CSNK2A1: variants seen among roughly 807,000 people sequenced by gnomAD.
CSNK2A1 encodes casein kinase II subunit alpha.
CSNK2A1 carries 10 observed loss-of-function variants against 62.9 expected under a neutral mutation model. The observed-to-expected ratio is 0.16, with a 90% confidence interval of 0.10 to 0.27. The LOEUF (loss-of-function observed/expected upper bound fraction) is 0.27, where lower values mean the gene tolerates loss of function less well. CSNK2A1 is among the 10% of genes least tolerant of loss of function. The probability of loss-of-function intolerance (pLI) is 1.00; values close to 1 mark genes in which losing one functional copy is unlikely to be tolerated. For missense variants in CSNK2A1, 160 were observed against 492.0 expected, an observed-to-expected ratio of 0.33 and a Z score of 6.38; for synonymous variants, 124 against 167.8, an observed-to-expected ratio of 0.74 and a Z score of 2.02.
chr20:529,781 C>G (rs2019172965), intron 1 of CSNK2A1, among the ~76,000 whole-genome samples: 2 of 152,128 alleles, frequency 1.3e-5, no homozygotes, highest in South Asian at 4.1e-4. Flanking sequence ...GTGATAAATG[C>G]TTAGTTAAAA....
Position 540,176 on chromosome 20 carries a change from A to G in CSNK2A1, c.-227+3496T>C, listed in dbSNP as rs1451154547. 3.9e-5 allele frequency among the ~76,000 whole-genome samples: 6 copies of G among 152,350 alleles called. No homozygotes were observed. In the East Asian group the frequency reaches 1.2e-3, roughly 29 times the overall value. On this transcript the variant is annotated intron_variant, in intron 1 of 13. Coordinates refer to ENST00000217244, the MANE Select transcript of CSNK2A1 (RefSeq NM_177559.3). The stretch of plus-strand genomic sequence containing the variant: ...ATCAGTAGAATTTGGGGGGTCCAAC[A>G]GCCCTATTACTTTCTGTCTCTTTCA...
chr20:485,093 A>AT (rs2018052296), intron 13 of CSNK2A1, among the ~76,000 whole-genome samples: 1 of 37,800 alleles, frequency 2.6e-5, no homozygotes, highest in African/African-American at 8.9e-5. Context: ...AAAAAAAAAA[A>AT]AAAAAAAAAA....
At chr20:485,101 A>ATATACATATAT (rs2018057838) in intron 13 of CSNK2A1, among the ~76,000 whole-genome samples, 2 of 31,864 alleles carry the variant, frequency 6.3e-5, no homozygotes, top group African/African-American at 2.1e-4. Context: ...AAAAAAAAAA[A>ATATACATATAT]AAAAAAAAAT....
chr20:524,626 AGGCT>A (rs2019032949), intron 2 of CSNK2A1, among the ~76,000 whole-genome samples: 1 of 90,474 alleles, frequency 1.1e-5, no homozygotes, highest in Non-Finnish European at 2.1e-5. Context: ...GCTACTCAGG[AGGCT>A]GAGGCTGGAG....
rs1265145393 is a variant in CSNK2A1, at chr20:486,306, T to C, written c.1060+70A>G. 3.2e-6 allele frequency: 5 copies of C among 1,575,964 alleles called. No homozygotes were observed. In the East Asian group the frequency reaches 6.8e-5, roughly 21 times the overall value. ...CGGAGAAGAGAAGGTATACAAGAAA[T>C]CAGACCACAAAGCTAAGAACAGTAA... On this transcript the variant is annotated intron_variant, in intron 13 of 13. Transcript: ENST00000217244.
intron 2 of CSNK2A1, among the ~76,000 whole-genome samples, chr20:522,282 T>C (rs1274389234): frequency 2.0e-5 from 3 of 152,180 alleles, no homozygotes; most frequent in South Asian, 4.1e-4. Flanking sequence ...AAGGGAGAAA[T>C]AGCAACTCTA....
chr20:540,817 T>G (rs1436426618), intron 1 of CSNK2A1: 1 of 152,228 alleles, frequency 6.6e-6, no homozygotes, highest in Non-Finnish European at 1.5e-5. Context: ...AACACAAATT[T>G]GTTATCTCAC....
rs1223546793 is a variant in CSNK2A1 at position 490,446 on chromosome 20, T to C, written c.622-565A>G. Among the ~76,000 whole-genome samples, 4 of 145,672 alleles carry C rather than the reference T, an allele frequency of 2.7e-5. No individual in the cohort carries two copies. In the East Asian group the frequency reaches 8.2e-4, roughly 30 times the overall value. Reference sequence around the variant, plus strand: ...TTTTTTTTGAGACAGAGTCTTGCTCTGTCGCCCAGGCTGCAGGGGTGTGAT... The same window carrying C: ...TTTTTTTTGAGACAGAGTCTTGCTCCGTCGCCCAGGCTGCAGGGGTGTGAT... On this transcript the variant is annotated intron_variant, in intron 9 of 13. Transcript: ENST00000217244.
chr20:499,590 G>T lies in CSNK2A1; in HGVS notation c.315+243C>A. ...GCATCGGACCTGAGTTTGCAAAATG[G>T]ATTAACACATTTCAGTTTCCAGTGC... On this transcript the variant is annotated intron_variant, in intron 5 of 13. Transcript: ENST00000217244. The surrounding 1 kb of genome is among the most constrained non-coding windows in gnomAD (Gnocchi z 4.2). 1.8e-6 allele frequency: 1 copy of T among 564,472 alleles called. No individual in the cohort carries two copies. The highest frequency in any genetic ancestry group is 3.1e-6 in the Non-Finnish European group (1 of 323,300). The allele number at this position is 564,472 out of a possible 1,614,324, so 35.0% of individuals were successfully genotyped here. A position where few individuals can be genotyped will look rare whatever the true frequency, so the allele number is the denominator to read the frequency against.
chr20:525,161 G>C (rs1457354329), intron 2 of CSNK2A1, among the ~76,000 whole-genome samples: 2 of 152,108 alleles, frequency 1.3e-5, no homozygotes, highest in Non-Finnish European at 2.9e-5. Context: ...TAGAGAGTTT[G>C]TTCATAAAAA....
At chr20:505,295 T>A in intron 3 of CSNK2A1, 66 bp from the exon 4 acceptor site, 1 of 1,150,442 alleles carries the variant, frequency 8.7e-7, no homozygotes. Flanking sequence ...ATTACAGGAA[T>A]CTATTACCAG....
intron 2 of CSNK2A1, among the ~76,000 whole-genome samples, chr20:522,828 C>T (rs1019751873): frequency 6.6e-6 from 1 of 152,126 alleles, no homozygotes; most frequent in Non-Finnish European, 1.5e-5. Flanking sequence ...GCCCCAGCCT[C>T]CTAAGTAGCT....
intron 2 of CSNK2A1, among the ~76,000 whole-genome samples, chr20:519,123 AGGGG>A (rs1420665878): frequency 6.6e-6 from 1 of 151,802 alleles, no homozygotes; most frequent in East Asian, 1.9e-4. Context: ...TTTAGTAGTG[AGGGG>A]GTTTTGCCAT....
At chr20:496,143 C>A in intron 7 of CSNK2A1, 1 of 227,940 alleles carries the variant, frequency 4.4e-6, no homozygotes, top group Non-Finnish European at 8.8e-6. Context: ...GAAAACAGAT[C>A]TTTACTACAA....
At chr20:527,487 T>G (rs1235474536) in intron 2 of CSNK2A1, among the ~76,000 whole-genome samples, 2 of 152,186 alleles carry the variant, frequency 1.3e-5, no homozygotes, top group African/African-American at 4.8e-5. Flanking sequence ...CAATAGTGCT[T>G]GCTAGGGGAA....
chr20:497,616 C>A, intron 7 of CSNK2A1, 105 bp downstream of exon 7: 1 of 959,824 alleles, frequency 1.0e-6, no homozygotes, highest in Non-Finnish European at 1.6e-6. Context: ...TCCCTTCTTT[C>A]AACATACTTT....
Position 482,524 on chromosome 20 carries a change from G to A in CSNK2A1, c.*1437C>T, listed in dbSNP as rs2017974078. ...ATCCCCAGAGACGCTTTGGCTTGTG[G>A]TGCTTTTTTTTTAAGGCCTCTCTGC... On this transcript the variant is annotated 3_prime_UTR_variant, in exon 14 of 14. Coordinates refer to ENST00000217244, the MANE Select transcript of CSNK2A1 (RefSeq NM_177559.3). 1 of 152,148 alleles carries A rather than the reference G, an allele frequency of 6.6e-6. No homozygotes were observed. The highest frequency in any genetic ancestry group is 1.5e-5 in the Non-Finnish European group (1 of 68,066). The allele number at this position is 152,148 out of a possible 1,614,324, so 9.4% of individuals were successfully genotyped here. A position where few individuals can be genotyped will look rare whatever the true frequency, so the allele number is the denominator to read the frequency against.
rs1012679031 is a variant in CSNK2A1 at position 478,445 on chromosome 20, T to C, written c.*5516A>G. 2.3e-5 allele frequency: 5 copies of C among 221,832 alleles called. No homozygotes were observed. Among genetic ancestry groups the C allele is most frequent in the Admixed American group, 1.8e-4 (3 of 17,042 alleles). 13.7% of individuals were successfully genotyped at this position (221,832 alleles called of 1,614,324 possible). ...GTGGGATCAGGAAGCCAGCCCCAGCTGCTGCAGCATTTTTTTCCCTTTTTC... is the reference window on the plus strand; with the variant it reads ...GTGGGATCAGGAAGCCAGCCCCAGCCGCTGCAGCATTTTTTTCCCTTTTTC... On this transcript the variant is annotated 3_prime_UTR_variant, in exon 14 of 14. Coordinates refer to ENST00000217244, the MANE Select transcript of CSNK2A1 (RefSeq NM_177559.3).
chr20:499,633 A>G lies in CSNK2A1; in HGVS notation c.315+200T>C, dbSNP rs2018416923. The G allele has an allele frequency of 1.7e-6, 1 of 595,898 alleles. No individual in the cohort carries two copies. The highest frequency in any genetic ancestry group is 1.8e-5 in the African/African-American group (1 of 54,076). The allele number at this position is 595,898 out of a possible 1,614,324, so 36.9% of individuals were successfully genotyped here. On this transcript the variant is annotated intron_variant, in intron 5 of 13. Transcript: ENST00000217244. The surrounding 1 kb of genome is among the most constrained non-coding windows in gnomAD (Gnocchi z 4.2). Reference sequence around the variant, plus strand: ...TCCAGTGCTATCAGTCTCTTAGCCTAGAAGAATAAGAAATAGTCTGTGGGT... The same window carrying G: ...TCCAGTGCTATCAGTCTCTTAGCCTGGAAGAATAAGAAATAGTCTGTGGGT...
Sources: gnomAD v4.1 joint callset for allele counts (sites outside exome capture counted in the v4.1 genomes callset) on GRCh38, gnomAD v4.1.1 for gene constraint, Gnocchi (gnomAD v3.1) non-coding constraint, MANE v1.5 for transcripts, NCBI Gene and HGNC (gene_info 2026-07-23, HGNC 2026-07-21) for gene names.